Variants in AZGP1 observed in about 807,000 individuals in gnomAD.
AZGP1 encodes alpha-2-glycoprotein 1, zinc-binding.
AZGP1 carries 28 observed loss-of-function variants against 31.5 expected under a neutral mutation model. The ratio of observed to expected loss-of-function variants is 0.89; its 90% CI spans 0.66 to 1.22. The LOEUF (loss-of-function observed/expected upper bound fraction) is 1.22. AZGP1 is among the 50% of genes most tolerant of loss of function. The pLI is 0.00. For missense variants in AZGP1, 361 were observed against 371.8 expected (o/e 0.97, Z 0.24); for synonymous variants, 135 against 145.4 (o/e 0.93, Z 0.51).
rs1789485810 is a variant in AZGP1 at position 99,966,780 on chromosome 7, G to A, written c.*223C>T. 1 of 613,220 alleles carries A rather than the reference G, an allele frequency of 1.6e-6. No homozygotes were observed. The highest frequency in any genetic ancestry group is 2.8e-6 in the Non-Finnish European group (1 of 350,938). The allele number at this position is 613,220 out of a possible 1,614,324, so 38.0% of individuals were successfully genotyped here. On this transcript the variant is annotated 3_prime_UTR_variant, in exon 4 of 4. Coordinates refer to ENST00000292401, the MANE Select transcript of AZGP1 (RefSeq NM_001185.4). ...TATTAGCTTCTACAGATTAGACAAT[G>A]GGGTGGGGGTGGGCTCAAGGTGAGA...
intron 2 of AZGP1, among the ~76,000 whole-genome samples, chr7:99,970,096 C>T (rs1789554539): frequency 6.6e-6 from 1 of 152,110 alleles, no homozygotes; most frequent in Non-Finnish European, 1.5e-5. Flanking sequence ...CACTCAACTC[C>T]CTGTGCCTCT....
At chr7:99,972,491 G>A (rs766976409) in intron 1 of AZGP1, among the ~76,000 whole-genome samples, 2 of 152,128 alleles carry the variant, frequency 1.3e-5, no homozygotes, top group Non-Finnish European at 1.5e-5. Flanking sequence ...CTTGCCCAGT[G>A]TGCATGGAAT....
chr7:99,966,950 A>C lies in AZGP1; in HGVS notation c.*53T>G. 4.4e-6 allele frequency: 7 copies of C among 1,582,012 alleles called. 1 individual carries two copies. In the South Asian group the frequency reaches 8.1e-5, roughly 18 times the overall value. On this transcript the variant is annotated 3_prime_UTR_variant, in exon 4 of 4. Transcript: ENST00000292401. ...CTGTGGTTCAGCTCCCACATCAGGC[A>C]GGAAGGGCAGCTACTGGGTCTGAGA...
intron 2 of AZGP1, among the ~76,000 whole-genome samples, chr7:99,969,703 T>G (rs1328816497): frequency 6.6e-6 from 1 of 152,174 alleles, no homozygotes; most frequent in Non-Finnish European, 1.5e-5. Flanking sequence ...TACACCAAAG[T>G]GTACTTCCAA....
chr7:99,970,975 T>C (rs1337865525), intron 2 of AZGP1, among the ~76,000 whole-genome samples: 1 of 152,222 alleles, frequency 6.6e-6, no homozygotes, highest in Non-Finnish European at 1.5e-5. Flanking sequence ...CACCAGCTCC[T>C]CTGACCATAG....
At chr7:99,967,702 T>C (rs1429859646) in intron 3 of AZGP1, 2 of 414,148 alleles carry the variant, frequency 4.8e-6, no homozygotes, top group Non-Finnish European at 8.7e-6. Flanking sequence ...TCAATTCCGC[T>C]CACACTGGCT....
rs755510618 is a variant in AZGP1, at chr7:99,967,278, A to T, written c.622T>A (p.Ser208Thr). The stretch of plus-strand genomic sequence containing the variant: ...GCCTGGTGGCTGGTGACCACCACAG[A>T]GGGAGGATCTGTGGAGGGATAGAGT... ...KNILDRQDPP[S>T]VVVTSHQAPG... Residue 208 changes from serine (S) to threonine (T), a missense_variant, in exon 4 of 4, where the codon TCT becomes ACT. Coordinates refer to ENST00000292401, the MANE Select transcript of AZGP1 (RefSeq NM_001185.4). The T allele has an allele frequency of 2.5e-6, 4 of 1,611,976 alleles. No individual in the cohort carries two copies. The South Asian group carries it at 4.4e-5, about 18-fold the overall frequency.
In AZGP1 at chr7:99,968,219, C is replaced by G. The variant is rs761209190; in HGVS notation, c.549G>C (p.Glu183Asp). Residue 183 changes from glutamate (E) to aspartate (D), a missense_variant, in exon 3 of 4, where the codon GAG (glutamate) becomes GAC (aspartate). Glu to Asp is a conservative substitution (Grantham distance 45). Transcript: ENST00000292401. The part of the protein sequence containing the change: ...VYVQRAKAYL[E>D]EECPATLRKY... Reference sequence around the variant, plus strand: ...TCCGCAGAGTCGCAGGGCACTCCTCCTCCAGGTAAGCCTTGGCCCGCTGCA... The same window carrying G: ...TCCGCAGAGTCGCAGGGCACTCCTCGTCCAGGTAAGCCTTGGCCCGCTGCA... 6.2e-7 allele frequency: 1 copy of G among 1,613,944 alleles called. No homozygotes were observed. Among genetic ancestry groups the G allele is most frequent in the Non-Finnish European group, 8.5e-7 (1 of 1,180,006 alleles).
At chr7:99,971,680 CACTCACACTGGGGG>C in intron 2 of AZGP1, 52 bp downstream of exon 2, 1 of 1,540,942 alleles carries the variant, frequency 6.5e-7, no homozygotes, top group Non-Finnish European at 8.8e-7. Flanking sequence ...GATCCCTTGC[CACTCACACTGGGGG>C]GGCTGCCTCT....
chr7:99,967,420 G>A (rs1298952514), intron 3 of AZGP1, 134 bp from the exon 4 acceptor site: 2 of 1,030,000 alleles, frequency 1.9e-6, no homozygotes, highest in Non-Finnish European at 2.8e-6. Context: ...CCCAGCCCCG[G>A]GAGACTTTCC....
intron 3 of AZGP1, 65 bp from the exon 4 acceptor site, chr7:99,967,351 C>T (rs1369632800): frequency 4.2e-5 from 65 of 1,529,538 alleles, no homozygotes; most frequent in Non-Finnish European, 5.2e-5. Context: ...AGGTCTCTTC[C>T]TACCCCCACC....
rs371816790 is a variant in AZGP1, at chr7:99,971,909, G to C, written c.174C>G (p.Phe58Leu). 4.3e-6 allele frequency: 7 copies of C among 1,614,014 alleles called. No individual in the cohort carries two copies. Among genetic ancestry groups the C allele is most frequent in the Non-Finnish European group, 5.1e-6 (6 of 1,180,014 alleles). Residue 58 changes from phenylalanine to leucine, a missense_variant, in exon 2 of 4, where the codon TTC becomes TTG. Phe to Leu is a conservative substitution (Grantham distance 22, BLOSUM62 0). Coordinates refer to ENST00000292401, the MANE Select transcript of AZGP1 (RefSeq NM_001185.4). ...QALGSLNDLQ[F>L]FRYNSKDRKS... ...TCCTGTCTTTACTGTTGTATCTAAA[G>C]AACTGGAGGTCATTGAGTGAGCCAA...
intron 2 of AZGP1, among the ~76,000 whole-genome samples, chr7:99,970,342 C>T (rs1021611066): frequency 2.0e-5 from 3 of 152,136 alleles, no homozygotes; most frequent in Non-Finnish European, 4.4e-5. Context: ...CTCCTGGGTT[C>T]AAGCAATTCT....
rs913070424 is a variant in AZGP1 at position 99,967,042 on chromosome 7, G to C, written c.858C>G (p.Ser286Arg). Residue 286 changes from serine to arginine, a missense_variant, in exon 4 of 4, where the codon AGC becomes AGG. Ser to Arg is a moderately radical substitution (Grantham distance 110). Coordinates refer to ENST00000292401, the MANE Select transcript of AZGP1 (RefSeq NM_001185.4). ...AGGGCACCACGAGGGGCTGGGCCAG[G>C]CTGCTGTGCTGCACGTGGCAGGAGT... ...APYSCHVQHS[S>R]LAQPLVVPWE... 6.2e-7 allele frequency: 1 copy of C among 1,614,026 alleles called. No individual in the cohort carries two copies. The highest frequency in any genetic ancestry group is 1.3e-5 in the African/African-American group (1 of 74,930).
chr7:99,972,097 C>T (rs944373703), intron 1 of AZGP1, 91 bp from the exon 2 acceptor site: 1 of 1,416,506 alleles, frequency 7.1e-7, no homozygotes, highest in Non-Finnish European at 9.4e-7. Context: ...TGCCACTGGC[C>T]TTTTCTTCCC....
At position 99,968,313 on chromosome 7, in the gene AZGP1, G is replaced by T; in HGVS notation, c.455C>A (p.Pro152Gln). The T allele has an allele frequency of 6.2e-7, 1 of 1,613,672 alleles. No individual in the cohort carries two copies. The highest frequency in any genetic ancestry group is 1.3e-5 in the African/African-American group (1 of 74,866). Residue 152 changes from proline to glutamine, a missense_variant, in exon 3 of 4, where the codon CCA (proline) becomes CAA (glutamine). Pro to Gln is a moderately conservative substitution (Grantham distance 76). Coordinates refer to ENST00000292401, the MANE Select transcript of AZGP1 (RefSeq NM_001185.4). The stretch of plus-strand genomic sequence containing the variant: ...TGCTGGGTCGAAGGGGACCCAGGCT[G>T]GGATTTCTTTGTTGAATTCAATGTA... Reference protein sequence around the residue: ...KDYIEFNKEIPAWVPFDPAAQ... With the variant: ...KDYIEFNKEIQAWVPFDPAAQ...
chr7:99,971,671 A>C, intron 2 of AZGP1, 75 bp downstream of exon 2: 2 of 1,516,332 alleles, frequency 1.3e-6, no homozygotes, highest in South Asian at 2.5e-5. Context: ...CATCCTGCTG[A>C]TCCCTTGCCA....
intron 3 of AZGP1, chr7:99,967,611 C>T: frequency 2.2e-6 from 1 of 460,380 alleles, no homozygotes; most frequent in Non-Finnish European, 3.9e-6. Flanking sequence ...GCCCATGCCT[C>T]TATCCAGCAA....
rs779059149 is a variant in AZGP1 at position 99,966,974 on chromosome 7, G to T, written c.*29C>A. 2.5e-6 allele frequency: 4 copies of T among 1,604,658 alleles called. No individual in the cohort carries two copies. The highest frequency in any genetic ancestry group is 2.7e-5 in the African/African-American group (2 of 74,738). ...CAGGAAGGGCAGCTACTGGGTCTGA[G>T]ATCCCACATTGCCTCCAACCCTTGC... On this transcript the variant is annotated 3_prime_UTR_variant, in exon 4 of 4. Transcript: ENST00000292401.
Sources: allele counts gnomAD v4.1 joint callset (sites outside exome capture counted in the v4.1 genomes callset), GRCh38; gene constraint gnomAD v4.1.1; transcripts MANE v1.5; gene names NCBI Gene and HGNC (gene_info 2026-07-23, HGNC 2026-07-21).